HLCS: variants seen among roughly 807,000 people sequenced by gnomAD.
The protein encoded by HLCS is biotin--protein ligase.
In HLCS, 53 loss-of-function variants were observed where a neutral mutation model predicts 75.0. That is an observed-to-expected ratio of 0.71 (90% CI 0.57 to 0.89). The LOEUF (loss-of-function observed/expected upper bound fraction) is 0.89, where lower values mean the gene tolerates loss of function less well. Among genes scored for constraint, HLCS ranks in the 40% least tolerant of loss-of-function variants. HLCS has a pLI of 0.00. For synonymous variants in HLCS, 431 were observed against 428.6 expected, an observed-to-expected ratio of 1.01 and a Z score of -0.07; for missense variants, 966 against 1,074.0, an observed-to-expected ratio of 0.90 and a Z score of 1.41.
chr21:36,929,855 G>T (rs553668307), intron 5 of HLCS, among the ~76,000 whole-genome samples: 8 of 152,240 alleles, frequency 5.3e-5, no homozygotes, highest in Non-Finnish European at 7.3e-5. Flanking sequence ...AACCCAGAGC[G>T]CTGTTGCCAC....
At chr21:36,942,846 C>T (rs779001202) in intron 2 of HLCS, among the ~76,000 whole-genome samples, 1 of 151,748 alleles carries the variant, frequency 6.6e-6, no homozygotes, top group Non-Finnish European at 1.5e-5. Flanking sequence ...AGGAGAATGG[C>T]GTGAACCCCG....
rs139904712 is a variant in HLCS, at chr21:36,767,291, G to A, written c.1893-6C>T. ...GCGGTGTCTGAAACATCAGCCTGCCGAAGAGGGGGAAAGACCGGTTAGGCC... is the reference window on the plus strand; with the variant it reads ...GCGGTGTCTGAAACATCAGCCTGCCAAAGAGGGGGAAAGACCGGTTAGGCC... On this transcript the variant is annotated splice_polypyrimidine_tract_variant and splice_region_variant and intron_variant, in intron 6 of 10. Transcript: ENST00000674895. 5.2e-4 allele frequency: 841 copies of A among 1,614,052 alleles called. 1 individual carries two copies. The African/African-American group carries it at 0.01, about 20-fold the overall frequency.
intron 5 of HLCS, among the ~76,000 whole-genome samples, chr21:36,923,001 C>T (rs1000014263): frequency 1.3e-5 from 2 of 152,234 alleles, no homozygotes; most frequent in Non-Finnish European, 2.9e-5. Context: ...ACCAGCTCCG[C>T]GGCCCGGGAG....
In HLCS at chr21:36,893,806, C is replaced by CG. The variant is rs571288460; in HGVS notation, c.1892+3053dup. Among the ~76,000 whole-genome samples, 41 of 152,268 alleles carry CG rather than the reference C, an allele frequency of 2.7e-4. No homozygotes were observed. The East Asian group carries it at 7.9e-3, about 29-fold the overall frequency. On this transcript the variant is annotated intron_variant, in intron 6 of 10. Coordinates refer to ENST00000674895, the MANE Select transcript of HLCS (RefSeq NM_001352514.2). Reference sequence around the variant, plus strand: ...TCCTAACAGGCTGCAGACCACAGCCCGGGGGTCGGGGATCCCTGCACTAAA... The same window carrying CG: ...TCCTAACAGGCTGCAGACCACAGCCCGGGGGGTCGGGGATCCCTGCACTAAA...
chr21:36,973,083 A>C (rs1231134561), intron 1 of HLCS, among the ~76,000 whole-genome samples: 4 of 151,912 alleles, frequency 2.6e-5, no homozygotes, highest in Non-Finnish European at 5.9e-5. Flanking sequence ...TTTTTAAATT[A>C]GCCAAGCATG....
chr21:36,961,439 G>T (rs1405161309), intron 2 of HLCS, among the ~76,000 whole-genome samples: 2 of 151,954 alleles, frequency 1.3e-5, no homozygotes, highest in Non-Finnish European at 2.9e-5. Flanking sequence ...TAGGATCCCT[G>T]GAGCCCTGAG....
intron 1 of HLCS, among the ~76,000 whole-genome samples, chr21:36,980,053 A>AG (rs2069069483): frequency 7.6e-6 from 1 of 132,090 alleles, no homozygotes; most frequent in Non-Finnish European, 1.6e-5. Flanking sequence ...AAAAAAAAAA[A>AG]AGGCTGGGTG....
intron 6 of HLCS, among the ~76,000 whole-genome samples, chr21:36,801,176 G>C (rs1192804817): frequency 6.6e-6 from 1 of 152,134 alleles, no homozygotes; most frequent in Non-Finnish European, 1.5e-5. Flanking sequence ...TCAATCACTG[G>C]TAAGCCGTCA....
At position 36,946,545 on chromosome 21, in the gene HLCS, C is replaced by A. The variant is rs142696270; in HGVS notation, c.331-7551G>T. ...GTGTGAGCCACCATGTCCGGCCCCC[C>A]ACAACAAAATCTTATTCCTTAGTAG... is the stretch of plus-strand genomic sequence containing the variant. On this transcript the variant is annotated intron_variant, in intron 2 of 10. Coordinates refer to ENST00000674895, the MANE Select transcript of HLCS (RefSeq NM_001352514.2). Among the ~76,000 whole-genome samples the A allele has an allele frequency of 3.0e-3, 454 of 152,048 alleles. 1 individual carries two copies. The highest frequency in any genetic ancestry group is 5.1e-3 in the Non-Finnish European group (344 of 67,974).
chr21:36,957,866 T>G (rs1165203381), intron 2 of HLCS, among the ~76,000 whole-genome samples: 1 of 150,378 alleles, frequency 6.6e-6, no homozygotes, highest in Non-Finnish European at 1.5e-5. Context: ...GAGGCAGAGC[T>G]TGCAGTGAGC....
intron 6 of HLCS, among the ~76,000 whole-genome samples, chr21:36,799,679 C>T (rs1279747417): frequency 2.0e-5 from 3 of 152,134 alleles, no homozygotes; most frequent in Non-Finnish European, 2.9e-5. Flanking sequence ...ATACTTTCGT[C>T]GGCCTGTGTT....
At chr21:36,917,454 C>T (rs951367009) in intron 5 of HLCS, among the ~76,000 whole-genome samples, 1 of 152,112 alleles carries the variant, frequency 6.6e-6, no homozygotes, top group Non-Finnish European at 1.5e-5. Context: ...CGAGTACAAA[C>T]CCCAGTGCGT....
chr21:36,764,823 C>T (rs1258021196), intron 8 of HLCS, among the ~76,000 whole-genome samples, 189 bp downstream of exon 8: 1 of 152,246 alleles, frequency 6.6e-6, no homozygotes, highest in East Asian at 1.9e-4. Context: ...TGAATGCATT[C>T]AGGCAAGCCT....
At chr21:36,790,272 G>A (rs1035125992) in intron 6 of HLCS, among the ~76,000 whole-genome samples, 2 of 152,026 alleles carry the variant, frequency 1.3e-5, no homozygotes, top group Middle Eastern at 3.4e-3. Context: ...GGTGTGGTGG[G>A]GTGCACCTGT....
At chr21:36,931,954 C>T (rs1316589335) in intron 4 of HLCS, among the ~76,000 whole-genome samples, 1 of 152,140 alleles carries the variant, frequency 6.6e-6, no homozygotes, top group South Asian at 2.1e-4. Context: ...CCCCACATCC[C>T]CAAGCTGTGC....
chr21:36,834,405 C>T lies in HLCS; in HGVS notation c.1892+62455G>A, dbSNP rs775505147. On this transcript the variant is annotated intron_variant, in intron 6 of 10. Transcript: ENST00000674895. Reference sequence around the variant, plus strand: ...CATGTCCAAGTGTGACCAAGATGGGCCAAGCATTGAAAGTAGCCAGGTGGG... The same window carrying T: ...CATGTCCAAGTGTGACCAAGATGGGTCAAGCATTGAAAGTAGCCAGGTGGG... Among the ~76,000 whole-genome samples the T allele has an allele frequency of 4.7e-4, 71 of 152,284 alleles. 1 individual carries two copies. The highest frequency in any genetic ancestry group is 1.6e-3 in the African/African-American group (66 of 41,556).
At chr21:36,757,341 G>A (rs1357505790) in intron 9 of HLCS, among the ~76,000 whole-genome samples, 1 of 152,136 alleles carries the variant, frequency 6.6e-6, no homozygotes, top group Non-Finnish European at 1.5e-5. Context: ...CATGTTCAGT[G>A]GCTTTTTGCA....
chr21:36,887,745 T>C (rs2064533797), intron 6 of HLCS, among the ~76,000 whole-genome samples: 1 of 152,246 alleles, frequency 6.6e-6, no homozygotes, highest in Non-Finnish European at 1.5e-5. Context: ...AAAAAATTCG[T>C]GCTAATTATC....
At chr21:36,875,529 A>G (rs2835521) in intron 6 of HLCS, among the ~76,000 whole-genome samples, 74,605 of 152,044 alleles carry the variant, frequency 0.49, 20,739 homozygotes, top group African/African-American at 0.76. Flanking sequence ...GCTGAGAGCC[A>G]GACAGATGTT....
Sources: allele counts gnomAD v4.1 joint callset (sites outside exome capture counted in the v4.1 genomes callset), GRCh38; gene constraint gnomAD v4.1.1; transcripts MANE v1.5; gene names NCBI Gene and HGNC (gene_info 2026-07-23, HGNC 2026-07-21).